Variants in GAS6 observed in about 807,000 individuals in gnomAD.
The protein encoded by GAS6 is growth arrest-specific protein 6.
A neutral mutation model predicts 75.8 loss-of-function variants in GAS6; 41 were observed. The ratio of observed to expected loss-of-function variants is 0.54; its 90% CI spans 0.42 to 0.70. GAS6 has a LOEUF of 0.70. GAS6 is among the 30% of genes least tolerant of loss of function. GAS6 has a pLI of 0.00. For synonymous variants in GAS6, 432 were observed against 412.6 expected (o/e 1.05, Z -0.57); for missense variants, 854 against 940.2 (o/e 0.91, Z 1.20).
At chr13:113,821,089 CG>C in intron 14 of GAS6, 71 bp from the exon 15 acceptor site, 1 of 1,545,788 alleles carries the variant, frequency 6.5e-7, no homozygotes, top group Non-Finnish European at 8.9e-7. Context: ...CCCCCACCCC[CG>C]GCAGCGCTTG....
At chr13:113,840,795 C>T (rs956074301) in intron 4 of GAS6, 3 of 152,252 alleles carry the variant, frequency 2.0e-5, no homozygotes, top group African/African-American at 7.2e-5. Context: ...CTCAGCCCCA[C>T]ATGAGGACTC....
At position 113,832,622 on chromosome 13, in the gene GAS6, A is replaced by T; in HGVS notation, c.953+12T>A. ...TTCTAAGTTGTGTTGCCTCCTGTGG[A>T]CACCTCCTCACCTGGTGGGCTGCAG... On this transcript the variant is annotated intron_variant, in intron 9 of 14. Coordinates refer to ENST00000327773, the MANE Select transcript of GAS6 (RefSeq NM_000820.4). The T allele has an allele frequency of 6.2e-7, 1 of 1,612,564 alleles. No individual in the cohort carries two copies. Among genetic ancestry groups the T allele is most frequent in the Non-Finnish European group, 8.5e-7 (1 of 1,179,882 alleles).
chr13:113,839,361 ACAGG>A, intron 5 of GAS6: 1 of 206,528 alleles, frequency 4.8e-6, no homozygotes, highest in Non-Finnish European at 9.4e-6. Flanking sequence ...CACTGACACC[ACAGG>A]TCTGCACTCA....
chr13:113,858,495 G>T (rs1030050231), intron 2 of GAS6, among the ~76,000 whole-genome samples: 2 of 134,654 alleles, frequency 1.5e-5, no homozygotes, highest in Non-Finnish European at 3.1e-5. Context: ...ATGTATGCAT[G>T]TCTGTGTGTG....
rs547843564 is a variant in GAS6, at chr13:113,835,596, G to A, written c.629C>T (p.Ala210Val). ...GGAGCCGGGCAGGTTCTTGCAGCGC[G>A]CCTCCCCGCAGGCCTCCGAGTCTGC... Reference protein sequence around the residue: ...ECADSEACGEARCKNLPGSYS... With the variant: ...ECADSEACGEVRCKNLPGSYS... Residue 210 changes from alanine to valine, a missense_variant, in exon 7 of 15, where the codon GCG becomes GTG. Transcript: ENST00000327773. The A allele has an allele frequency of 7.6e-5, 123 of 1,612,380 alleles. 2 individuals are homozygous for A. In the South Asian group the frequency reaches 1.0e-3, roughly 13 times the overall value.
In GAS6 at chr13:113,863,984, G is replaced by A; in HGVS notation, c.-64C>T. 9.8e-7 allele frequency: 1 copy of A among 1,024,782 alleles called. No individual in the cohort carries two copies. Among genetic ancestry groups the A allele is most frequent in the Non-Finnish European group, 1.2e-6 (1 of 858,172 alleles). 63.5% of individuals were successfully genotyped at this position (1,024,782 alleles called of 1,614,324 possible). A position where few individuals can be genotyped will look rare whatever the true frequency, so the allele number is the denominator to read the frequency against. ...CGAGGCGAGCCGCGGGCGCCGCGGG[G>A]CGGAGGCTCCGGTCATCCCGTCCTG... On this transcript the variant is annotated 5_prime_UTR_variant, in exon 1 of 15. Transcript: ENST00000327773. The surrounding 1 kb of genome is among the most constrained non-coding windows in gnomAD (Gnocchi z 9.4).
chr13:113,822,258 T>A, intron 13 of GAS6, 72 bp from the exon 14 acceptor site: 1 of 1,216,154 alleles, frequency 8.2e-7, no homozygotes, highest in Non-Finnish European at 1.1e-6. Flanking sequence ...AAGCTGGTCC[T>A]CACAGCTGCT....
intron 2 of GAS6, among the ~76,000 whole-genome samples, chr13:113,857,413 C>T (rs771644786): frequency 6.6e-6 from 1 of 152,068 alleles, no homozygotes; most frequent in African/African-American, 2.4e-5. Context: ...ATTTACAAGG[C>T]GTACACACCA....
intron 7 of GAS6, 88 bp from the exon 8 acceptor site, chr13:113,834,760 GCAAGGTGCGCT>G: frequency 7.8e-7 from 1 of 1,288,562 alleles, no homozygotes; most frequent in Non-Finnish European, 1.0e-6. Context: ...CAAACCACAC[GCAAGGTGCGCT>G]CAAGGAATTA....
At chr13:113,846,492 G>A in intron 4 of GAS6, 35 bp downstream of exon 4, 2 of 1,602,760 alleles carry the variant, frequency 1.2e-6, no homozygotes, top group Non-Finnish European at 1.7e-6. Flanking sequence ...CAAACCCACA[G>A]TGCTCCCAGG....
chr13:113,851,509 GTGAGTGGGTGGGTGAATGGA>G (rs1194756543), intron 2 of GAS6, among the ~76,000 whole-genome samples: 1 of 151,344 alleles, frequency 6.6e-6, no homozygotes, highest in East Asian at 1.9e-4. Flanking sequence ...AGGTGGGTGG[GTGAGTGGGTGGGTGAATGGA>G]TGAGTGAATG....
chr13:113,830,975 G>A (rs577958059), intron 10 of GAS6, among the ~76,000 whole-genome samples: 6 of 152,384 alleles, frequency 3.9e-5, no homozygotes, highest in South Asian at 2.1e-4. Flanking sequence ...AAAATGGAGC[G>A]AGGCATTGCT....
chr13:113,821,066 GC>G, intron 14 of GAS6, 48 bp from the exon 15 acceptor site: 2 of 1,584,716 alleles, frequency 1.3e-6, no homozygotes, highest in South Asian at 1.1e-5. Context: ...CACGTGGCCG[GC>G]CCCGCCTGGC....
intron 6 of GAS6, 135 bp from the exon 7 acceptor site, chr13:113,835,770 C>T (rs1169992048): frequency 1.4e-6 from 2 of 1,472,504 alleles, no homozygotes; most frequent in African/African-American, 1.4e-5. Context: ...GCGCCCTGGC[C>T]CCATTTCCCT....
intron 8 of GAS6, among the ~76,000 whole-genome samples, chr13:113,833,963 T>C (rs1485424673): frequency 7.3e-6 from 1 of 136,578 alleles, no homozygotes; most frequent in African/African-American, 2.8e-5. Context: ...AGGTAGGTCA[T>C]GCTGTGACAG....
At chr13:113,861,105 G>C (rs1303343216) in intron 2 of GAS6, among the ~76,000 whole-genome samples, 1 of 152,206 alleles carries the variant, frequency 6.6e-6, no homozygotes, top group Non-Finnish European at 1.5e-5. Context: ...CAACCAGGAA[G>C]ATGCCCCAGC....
intron 13 of GAS6, 77 bp from the exon 14 acceptor site, chr13:113,822,263 G>C: frequency 2.6e-6 from 3 of 1,167,118 alleles, no homozygotes; most frequent in Non-Finnish European, 3.5e-6. Context: ...GGTCCTCACA[G>C]CTGCTGGCCA....
Position 113,833,095 on chromosome 13 carries a change from G to A in GAS6, c.835-343C>T, listed in dbSNP as rs185121310. 5 of 1,191,378 alleles carry A rather than the reference G, an allele frequency of 4.2e-6. No individual in the cohort carries two copies. The East Asian group carries it at 2.8e-4, about 66-fold the overall frequency. 73.8% of individuals were successfully genotyped at this position (1,191,378 alleles called of 1,614,324 possible). A position where few individuals can be genotyped will look rare whatever the true frequency, so the allele number is the denominator to read the frequency against. ...AAAAAGTATACACTATTATGAAATA[G>A]ATATGGATGCCTTGAAGATGGCTGT... On this transcript the variant is annotated intron_variant, in intron 8 of 14. Transcript: ENST00000327773.
intron 10 of GAS6, among the ~76,000 whole-genome samples, chr13:113,830,252 G>A (rs2051613219): frequency 1.3e-5 from 2 of 152,132 alleles, no homozygotes; most frequent in Non-Finnish European, 2.9e-5. Flanking sequence ...GCTAGAGAGG[G>A]TGGAATTGGG....
Sources: allele counts gnomAD v4.1 joint callset (sites outside exome capture counted in the v4.1 genomes callset), GRCh38; gene constraint gnomAD v4.1.1; non-coding constraint Gnocchi (gnomAD v3.1); transcripts MANE v1.5; gene names NCBI Gene and HGNC (gene_info 2026-07-23, HGNC 2026-07-21).